Variants in SEC23A observed in about 807,000 individuals in gnomAD.
The protein encoded by SEC23A is SEC23 homolog A, COPII component, also known as protein transport protein Sec23A.
In SEC23A, 56 loss-of-function variants were observed where a neutral mutation model predicts 103.7. The observed-to-expected ratio is 0.54, with a 90% CI of 0.44 to 0.67. The LOEUF (loss-of-function observed/expected upper bound fraction) is 0.67. SEC23A is among the 30% of genes least tolerant of loss of function. The pLI is 0.00. For synonymous variants in SEC23A, 281 were observed against 293.0 expected (o/e 0.96, Z 0.42); for missense variants, 784 against 936.4 (o/e 0.84, Z 2.12).
At chr14:39,084,091 G>C (rs186965566) in intron 7 of SEC23A, among the ~76,000 whole-genome samples, 3 of 151,330 alleles carry the variant, frequency 2.0e-5, no homozygotes, top group Admixed American at 6.6e-5. Flanking sequence ...GCATGATCTC[G>C]GCTCACTGCA....
chr14:39,056,717 C>A (rs1253809307), intron 13 of SEC23A, among the ~76,000 whole-genome samples: 3 of 152,112 alleles, frequency 2.0e-5, no homozygotes, highest in Non-Finnish European at 4.4e-5. Flanking sequence ...CCCACCTGAA[C>A]CTCCCAAAGT....
In SEC23A at chr14:39,033,037, A is replaced by C. The variant is rs1885351069; in HGVS notation, c.*202T>G. On this transcript the variant is annotated 3_prime_UTR_variant, in exon 20 of 20. Transcript: ENST00000307712. ...AACCAGCTATAACACTGTGGTAAGC[A>C]AAATAAATTTGTTCTTATTGCTCTC... The C allele has an allele frequency of 1.7e-6, 1 of 580,550 alleles. No homozygotes were observed. Among genetic ancestry groups the C allele is most frequent in the Non-Finnish European group, 3.1e-6 (1 of 320,428 alleles). 36.0% of individuals were successfully genotyped at this position (580,550 alleles called of 1,614,324 possible).
At chr14:39,066,552 A>C (rs76212171) in intron 10 of SEC23A, among the ~76,000 whole-genome samples, 8,620 of 152,168 alleles carry the variant, frequency 0.057, 391 homozygotes, top group South Asian at 0.14. Context: ...GCACTAACAT[A>C]AATAGATTTG....
At chr14:39,094,822 T>C (rs1380615719) in intron 2 of SEC23A, 3 of 587,020 alleles carry the variant, frequency 5.1e-6, no homozygotes, top group Non-Finnish European at 8.9e-6. Flanking sequence ...TAAGGTATTA[T>C]GTAGATGAGA....
chr14:39,061,150 T>C (rs1172297533), intron 13 of SEC23A, among the ~76,000 whole-genome samples: 1 of 152,204 alleles, frequency 6.6e-6, no homozygotes, highest in Non-Finnish European at 1.5e-5. Context: ...TAATTCATTT[T>C]TATTGTATTT....
intron 8 of SEC23A, among the ~76,000 whole-genome samples, chr14:39,074,954 A>G (rs188252111): frequency 4.6e-5 from 7 of 152,292 alleles, no homozygotes; most frequent in Non-Finnish European, 1.0e-4. Context: ...AAAAATATAA[A>G]AAATTAGCCG....
At chr14:39,048,402 C>T (rs1294160049) in intron 15 of SEC23A, among the ~76,000 whole-genome samples, 1 of 151,252 alleles carries the variant, frequency 6.6e-6, no homozygotes, top group Non-Finnish European at 1.5e-5. Flanking sequence ...CTGCTTGAGG[C>T]TAAGAGTTCA....
intron 16 of SEC23A, among the ~76,000 whole-genome samples, chr14:39,044,004 C>T (rs1885745221): frequency 6.6e-6 from 1 of 151,926 alleles, no homozygotes; most frequent in Non-Finnish European, 1.5e-5. Context: ...TTAGAGAAAG[C>T]GTGGGTCATG....
chr14:39,035,268 A>G (rs1218602904), intron 19 of SEC23A, among the ~76,000 whole-genome samples: 1 of 152,194 alleles, frequency 6.6e-6, no homozygotes, highest in African/African-American at 2.4e-5. Context: ...TTATTAAAAT[A>G]TTGACATCAT....
chr14:39,032,419 AG>A lies in SEC23A; in HGVS notation c.*819del. On this transcript the variant is annotated 3_prime_UTR_variant, in exon 20 of 20. Coordinates refer to ENST00000307712, the MANE Select transcript of SEC23A (RefSeq NM_006364.4). The stretch of plus-strand genomic sequence containing the variant: ...ATGCAAAATTTACCTCTGAAAAACA[AG>A]GGGAAAACAACAAAACCATGCTGTG... 1 of 152,762 alleles carries A rather than the reference AG, an allele frequency of 6.5e-6. No individual in the cohort carries two copies. Among genetic ancestry groups the A allele is most frequent in the Non-Finnish European group, 1.5e-5 (1 of 68,014 alleles). 9.5% of individuals were successfully genotyped at this position (152,762 alleles called of 1,614,324 possible). A position where few individuals can be genotyped will look rare whatever the true frequency, so the allele number is the denominator to read the frequency against.
intron 1 of SEC23A, among the ~76,000 whole-genome samples, chr14:39,101,882 G>A (rs1888108890): frequency 6.6e-6 from 1 of 152,066 alleles, no homozygotes; most frequent in African/African-American, 2.4e-5. Context: ...AAGAGACTTG[G>A]ACTAGAAAAT....
Position 39,086,950 on chromosome 14 carries a change from T to C in SEC23A, c.662A>G (p.Gln221Arg). ...LTQATRGPQVQQPPPSNRFLQ... is the reference protein window; with the variant it reads ...LTQATRGPQVRQPPPSNRFLQ... ...TTACCTGTTGGAAGGAGGTGGCTGCTGTACCTGAGGACCACGTGTTGCTTG... is the reference window on the plus strand; with the variant it reads ...TTACCTGTTGGAAGGAGGTGGCTGCCGTACCTGAGGACCACGTGTTGCTTG... The change falls in exon 6 of 20, where the codon CAG (glutamine) becomes CGG (arginine). Residue 221 changes from glutamine (Q) to arginine (R), a missense_variant. Physicochemically the swap from Gln to Arg is conservative, Grantham distance 43. Around this residue, in one of 2 missense-constraint regions of SEC23A, gnomAD observed 683 missense variants for 774.2 expected, o/e 0.88. Coordinates refer to ENST00000307712, the MANE Select transcript of SEC23A (RefSeq NM_006364.4). 1 of 1,595,642 alleles carries C rather than the reference T, an allele frequency of 6.3e-7. No homozygotes were observed. The highest frequency in any genetic ancestry group is 1.3e-5 in the African/African-American group (1 of 74,634).
At chr14:39,037,978 T>C (rs1885514554) in intron 19 of SEC23A, among the ~76,000 whole-genome samples, 1 of 152,214 alleles carries the variant, frequency 6.6e-6, no homozygotes, top group South Asian at 2.1e-4. Flanking sequence ...GATTCAACTA[T>C]ACTAAGACTC....
chr14:39,079,334 A>G (rs1466435166), intron 7 of SEC23A, among the ~76,000 whole-genome samples: 3 of 152,224 alleles, frequency 2.0e-5, no homozygotes, highest in African/African-American at 4.8e-5. Flanking sequence ...ACTTTTACAT[A>G]TGAAAGTATC....
chr14:39,084,731 G>A (rs1384026159), intron 7 of SEC23A, among the ~76,000 whole-genome samples: 1 of 152,124 alleles, frequency 6.6e-6, no homozygotes, highest in African/African-American at 2.4e-5. Context: ...GTGCAGTGAT[G>A]CGATCTCAGC....
intron 17 of SEC23A, among the ~76,000 whole-genome samples, chr14:39,041,737 C>T (rs1441570402): frequency 1.3e-5 from 2 of 151,844 alleles, no homozygotes; most frequent in African/African-American, 2.4e-5. Context: ...GGCGTGGTGG[C>T]ATGTGCCTGT....
At position 39,039,036 on chromosome 14, in the gene SEC23A, C is replaced by T. The variant is rs1885549410; in HGVS notation, c.2203G>A (p.Gly735Arg). The T allele has an allele frequency of 1.9e-6, 3 of 1,612,376 alleles. No individual in the cohort carries two copies. The highest frequency in any genetic ancestry group is 1.7e-6 in the Non-Finnish European group (2 of 1,178,602). Reference protein sequence around the residue: ...SQTHNNMYAWGQESGAPILTD... With the variant: ...SQTHNNMYAWRQESGAPILTD... The stretch of plus-strand genomic sequence containing the variant: ...GACCTGCTATTTAAACTTACCTGCC[C>T]CCAGGCATACATATTATTATGAGTC... The change falls in exon 19 of 20, where the codon GGG becomes AGG. Residue 735 changes from glycine to arginine, a missense_variant. Physicochemically the swap from Gly to Arg is moderately radical, Grantham distance 125. Transcript: ENST00000307712.
intron 18 of SEC23A, 23 bp from the exon 19 acceptor site, chr14:39,039,119 C>A (rs1257190338): frequency 6.2e-7 from 1 of 1,600,066 alleles, no homozygotes. Flanking sequence ...GAAGAAATAA[C>A]ATTATCCATC....
At chr14:39,047,378 C>G in intron 15 of SEC23A, 1 of 1,287,712 alleles carries the variant, frequency 7.8e-7, no homozygotes, top group South Asian at 1.2e-5. Context: ...TTAAGACAAG[C>G]AGACCTTGCC....
Sources: allele counts gnomAD v4.1 joint callset (sites outside exome capture counted in the v4.1 genomes callset), GRCh38; gene constraint gnomAD v4.1.1; regional missense constraint gnomAD v4.1.1; transcripts MANE v1.5; gene names NCBI Gene and HGNC (gene_info 2026-07-23, HGNC 2026-07-21).